ANTXR1: variants seen among roughly 807,000 people sequenced by gnomAD.
The protein encoded by ANTXR1 is anthrax toxin receptor 1.
Under a neutral mutation model 78.1 loss-of-function variants are expected in ANTXR1, and 19 were observed. That is an observed-to-expected ratio of 0.24 (90% CI 0.17 to 0.36). The LOEUF (loss-of-function observed/expected upper bound fraction) is 0.36. Among genes scored for constraint, ANTXR1 ranks in the 10% least tolerant of loss-of-function variants. ANTXR1 has a pLI of 1.00. For synonymous variants in ANTXR1, 273 were observed against 260.5 expected (o/e 1.05, Z -0.46); for missense variants, 518 against 718.6 (o/e 0.72, Z 3.19).
intron 16 of ANTXR1, among the ~76,000 whole-genome samples, chr2:69,192,731 T>C (rs997986157): frequency 6.6e-6 from 1 of 152,252 alleles, no homozygotes; most frequent in Admixed American, 6.5e-5. Context: ...CTTCTCCGTT[T>C]CAGCCAATTA....
intron 9 of ANTXR1, among the ~76,000 whole-genome samples, chr2:69,099,148 A>G (rs1368194498): frequency 6.6e-6 from 1 of 152,192 alleles, no homozygotes; most frequent in Admixed American, 6.6e-5. Context: ...GCAGCCACCA[A>G]TCTACTTTCT....
chr2:69,221,112 TG>T (rs1675309120), intron 17 of ANTXR1, among the ~76,000 whole-genome samples: 1 of 152,156 alleles, frequency 6.6e-6, no homozygotes, highest in Non-Finnish European at 1.5e-5. Context: ...TGCAACAATA[TG>T]GGGCTCTTAA....
intron 3 of ANTXR1, among the ~76,000 whole-genome samples, chr2:69,068,631 G>A (rs1670473709): frequency 6.6e-6 from 1 of 152,208 alleles, no homozygotes; most frequent in Non-Finnish European, 1.5e-5. Flanking sequence ...CATAGGCACT[G>A]GAAGGTCATG....
chr2:69,237,084 C>T (rs1558666013), intron 17 of ANTXR1, among the ~76,000 whole-genome samples: 1 of 152,062 alleles, frequency 6.6e-6, no homozygotes, highest in Non-Finnish European at 1.5e-5. Context: ...CTTGACAGAC[C>T]TTGTATTTAC....
intron 17 of ANTXR1, among the ~76,000 whole-genome samples, chr2:69,230,762 T>G (rs531252669): frequency 2.6e-5 from 4 of 152,308 alleles, no homozygotes; most frequent in Non-Finnish European, 5.9e-5. Flanking sequence ...TTTTTCCCAG[T>G]CCTGAGTTCA....
intron 17 of ANTXR1, among the ~76,000 whole-genome samples, chr2:69,207,868 A>G (rs1674946640): frequency 6.6e-6 from 1 of 152,214 alleles, no homozygotes; most frequent in Non-Finnish European, 1.5e-5. Context: ...ATCTTAGTGG[A>G]GACATAGTCA....
At chr2:69,150,938 G>C (rs6711815) in intron 12 of ANTXR1, among the ~76,000 whole-genome samples, 37,895 of 151,890 alleles carry the variant, frequency 0.25, 6,519 homozygotes, top group African/African-American at 0.48. Context: ...ATGGGTGGAT[G>C]CCTTGAGCCC....
At chr2:69,150,315 T>C (rs906755001) in intron 12 of ANTXR1, among the ~76,000 whole-genome samples, 1 of 152,094 alleles carries the variant, frequency 6.6e-6, no homozygotes, top group Non-Finnish European at 1.5e-5. Context: ...CTGTGAACAG[T>C]CTCCCCTGAA....
At chr2:69,095,882 G>A (rs993322237) in intron 9 of ANTXR1, among the ~76,000 whole-genome samples, 3 of 152,148 alleles carry the variant, frequency 2.0e-5, no homozygotes, top group African/African-American at 7.2e-5. Context: ...GAGGAAACCA[G>A]TATTCCTGGA....
At chr2:69,101,498 A>G (rs1671619072) in intron 9 of ANTXR1, among the ~76,000 whole-genome samples, 1 of 152,218 alleles carries the variant, frequency 6.6e-6, no homozygotes, top group Non-Finnish European at 1.5e-5. Flanking sequence ...TGAGGTTTAA[A>G]TGACATCAGA....
intron 13 of ANTXR1, among the ~76,000 whole-genome samples, chr2:69,165,742 A>G (rs992468448): frequency 9.9e-5 from 15 of 152,250 alleles, no homozygotes; most frequent in African/African-American, 3.6e-4. Flanking sequence ...AACTAGAATG[A>G]CAGCATCCTT....
chr2:69,075,737 G>A lies in ANTXR1; in HGVS notation c.561+79G>A, dbSNP rs1039613960. ...AGAACATGTTCAGTCAGTGCAGAGG[G>A]AAGATCAATGGAATAAATGCCCCTG... is the stretch of plus-strand genomic sequence containing the variant. On this transcript the variant is annotated intron_variant, in intron 7 of 17. Coordinates refer to ENST00000303714, the MANE Select transcript of ANTXR1 (RefSeq NM_032208.3). 14 of 1,276,214 alleles carry A rather than the reference G, an allele frequency of 1.1e-5. 1 individual carries two copies. Among genetic ancestry groups the A allele is most frequent in the Admixed American group, 8.4e-5 (5 of 59,420 alleles). 79.1% of individuals were successfully genotyped at this position (1,276,214 alleles called of 1,614,324 possible). A position where few individuals can be genotyped will look rare whatever the true frequency, so the allele number is the denominator to read the frequency against.
chr2:69,157,291 T>C (rs948929404), intron 13 of ANTXR1, among the ~76,000 whole-genome samples: 1 of 151,982 alleles, frequency 6.6e-6, no homozygotes, highest in Admixed American at 6.6e-5. Context: ...CCAATTGTTC[T>C]CCAGGGTTGC....
At chr2:69,227,497 AT>A (rs1157816137) in intron 17 of ANTXR1, among the ~76,000 whole-genome samples, 1 of 152,238 alleles carries the variant, frequency 6.6e-6, no homozygotes, top group Non-Finnish European at 1.5e-5. Context: ...AAATACTGTC[AT>A]CAGAAGGTTC....
intron 17 of ANTXR1, among the ~76,000 whole-genome samples, chr2:69,215,961 G>C (rs1345606083): frequency 6.6e-6 from 1 of 152,122 alleles, no homozygotes; most frequent in Non-Finnish European, 1.5e-5. Flanking sequence ...AAGACAATTT[G>C]ATACAAGGAA....
chr2:69,167,807 C>T (rs2104448645), intron 13 of ANTXR1, among the ~76,000 whole-genome samples: 1 of 152,264 alleles, frequency 6.6e-6, no homozygotes, highest in East Asian at 1.9e-4. Flanking sequence ...TACAGTGCGT[C>T]AATGTGAAAT....
At chr2:69,123,640 C>T (rs1672428929) in intron 11 of ANTXR1, among the ~76,000 whole-genome samples, 1 of 152,142 alleles carries the variant, frequency 6.6e-6, no homozygotes, top group Non-Finnish European at 1.5e-5. Context: ...CGGATGTTCA[C>T]CCAGACCGGA....
At chr2:69,153,109 A>G (rs749588489) in intron 13 of ANTXR1, among the ~76,000 whole-genome samples, 28 of 152,216 alleles carry the variant, frequency 1.8e-4, no homozygotes, top group Non-Finnish European at 2.9e-4. Flanking sequence ...AAGCCCATGA[A>G]TGTGAAGTGG....
In ANTXR1 at chr2:69,239,609, C is replaced by A. The variant is rs74524554; in HGVS notation, c.1435-5616C>A. Among the ~76,000 whole-genome samples the A allele has an allele frequency of 4.4e-3, 665 of 152,300 alleles. 7 individuals are homozygous for A. The highest frequency in any genetic ancestry group is 0.015 in the African/African-American group (627 of 41,562). ...TTAGGGCTGAAAGGCCCTTGAACGT[C>A]ATCTAGCCGGTACAACTTAATTGGA... On this transcript the variant is annotated intron_variant, in intron 17 of 17. Coordinates refer to ENST00000303714, the MANE Select transcript of ANTXR1 (RefSeq NM_032208.3).
Sources: gnomAD v4.1 joint callset for allele counts (sites outside exome capture counted in the v4.1 genomes callset) on GRCh38, gnomAD v4.1.1 for gene constraint, MANE v1.5 for transcripts, NCBI Gene and HGNC (gene_info 2026-07-23, HGNC 2026-07-21) for gene names.